Variants in SEZ6L observed in about 807,000 individuals in gnomAD.
The protein encoded by SEZ6L is seizure 6-like protein.
In SEZ6L, 37 loss-of-function variants were observed where a neutral mutation model predicts 106.2. That is an observed-to-expected ratio of 0.35 (90% confidence interval 0.27 to 0.46). The LOEUF (loss-of-function observed/expected upper bound fraction) is 0.46. SEZ6L is among the 20% of genes least tolerant of loss of function. The pLI, the probability that SEZ6L is intolerant of heterozygous loss-of-function variation, is 1.00. For missense variants in SEZ6L, 1,172 were observed against 1,332.8 expected (o/e 0.88, Z 1.88); for synonymous variants, 541 against 570.4 (o/e 0.95, Z 0.73).
intron 12 of SEZ6L, among the ~76,000 whole-genome samples, chr22:26,355,838 T>C (rs975768832): frequency 1.3e-5 from 2 of 152,246 alleles, no homozygotes; most frequent in Non-Finnish European, 1.5e-5. Context: ...CCCCTGGGAC[T>C]GAAAGCCATA....
intron 1 of SEZ6L, among the ~76,000 whole-genome samples, chr22:26,225,987 C>G (rs912437707): frequency 6.6e-6 from 1 of 152,180 alleles, no homozygotes; most frequent in East Asian, 1.9e-4. Context: ...TCTCTCACTT[C>G]CCTTATCCAT....
intron 1 of SEZ6L, among the ~76,000 whole-genome samples, chr22:26,268,000 C>T (rs1242974454): frequency 6.6e-6 from 1 of 152,216 alleles, no homozygotes; most frequent in African/African-American, 2.4e-5. Flanking sequence ...TGAATTCATA[C>T]ACATGGCACT....
At chr22:26,256,215 G>T (rs943587932) in intron 1 of SEZ6L, among the ~76,000 whole-genome samples, 3 of 152,210 alleles carry the variant, frequency 2.0e-5, no homozygotes, top group African/African-American at 4.8e-5. Context: ...ATAAGCTAGA[G>T]GGGTATTCGG....
At chr22:26,376,810 T>C (rs562371138) in intron 15 of SEZ6L, among the ~76,000 whole-genome samples, 1 of 152,188 alleles carries the variant, frequency 6.6e-6, no homozygotes, top group Non-Finnish European at 1.5e-5. Context: ...GGAAACAGCA[T>C]GTGCAAAGGT....
At chr22:26,294,904 G>T (rs796243496) in intron 3 of SEZ6L, among the ~76,000 whole-genome samples, 16 of 142,642 alleles carry the variant, frequency 1.1e-4, no homozygotes, top group African/African-American at 4.0e-4. Flanking sequence ...TTGCTTGCTT[G>T]CTTCCTGCTT....
intron 10 of SEZ6L, among the ~76,000 whole-genome samples, chr22:26,341,412 C>A (rs1426956587): frequency 6.6e-6 from 1 of 152,170 alleles, no homozygotes; most frequent in Non-Finnish European, 1.5e-5. Context: ...CTACGACCCA[C>A]CCCTTTTCAA....
At chr22:26,221,122 A>C (rs747104313) in intron 1 of SEZ6L, among the ~76,000 whole-genome samples, 2 of 152,146 alleles carry the variant, frequency 1.3e-5, no homozygotes, top group Middle Eastern at 3.2e-3. Flanking sequence ...AATGTCGAAC[A>C]AATAAAGTAT....
At chr22:26,321,455 C>T (rs1034056054) in intron 9 of SEZ6L, among the ~76,000 whole-genome samples, 1 of 152,234 alleles carries the variant, frequency 6.6e-6, no homozygotes, top group African/African-American at 2.4e-5. Flanking sequence ...GGTTTAAGCA[C>T]TTAAAGAGAT....
chr22:26,364,887 G>T (rs2083754974), intron 12 of SEZ6L: 1 of 154,162 alleles, frequency 6.5e-6, no homozygotes, highest in Non-Finnish European at 1.4e-5. Flanking sequence ...GGATGCGCAG[G>T]TTAGGTGTCA....
At chr22:26,208,848 C>CTGTGTG (rs1342745824) in intron 1 of SEZ6L, among the ~76,000 whole-genome samples, 15 of 106,802 alleles carry the variant, frequency 1.4e-4, no homozygotes, top group Non-Finnish European at 1.7e-4. Context: ...TTGACTCTCT[C>CTGTGTG]TCTGTGTGTG....
chr22:26,345,972 T>C (rs988322087), intron 10 of SEZ6L, among the ~76,000 whole-genome samples: 1 of 152,178 alleles, frequency 6.6e-6, no homozygotes, highest in African/African-American at 2.4e-5. Flanking sequence ...TGATATGCAA[T>C]TGGATTTGAA....
chr22:26,208,850 C>CTGTGTGTGTG (rs35483380), intron 1 of SEZ6L, among the ~76,000 whole-genome samples: 18 of 111,694 alleles, frequency 1.6e-4, no homozygotes, highest in Non-Finnish European at 2.8e-4. Context: ...GACTCTCTCT[C>CTGTGTGTGTG]TGTGTGTGTG....
intron 1 of SEZ6L, among the ~76,000 whole-genome samples, chr22:26,197,317 A>T (rs1352594492): frequency 1.3e-5 from 2 of 152,132 alleles, no homozygotes; most frequent in East Asian, 3.8e-4. Flanking sequence ...TGAAAACAAA[A>T]TTTTTTCACA....
intron 1 of SEZ6L, among the ~76,000 whole-genome samples, chr22:26,198,240 C>G (rs1940704253): frequency 6.6e-6 from 1 of 152,208 alleles, no homozygotes; most frequent in South Asian, 2.1e-4. Flanking sequence ...TAACAATTAT[C>G]ATGATGATGA....
intron 15 of SEZ6L, among the ~76,000 whole-genome samples, chr22:26,375,948 A>G (rs1442291350): frequency 6.6e-6 from 1 of 152,254 alleles, no homozygotes; most frequent in African/African-American, 2.4e-5. Flanking sequence ...GGGCACACAG[A>G]CATAACATAT....
chr22:26,340,628 C>T lies in SEZ6L; in HGVS notation c.2208C>T (p.Tyr736=). The change falls in exon 10 of 17, where the codon TAC becomes TAT. Residue 736 remains tyrosine (Y), a synonymous_variant. Transcript: ENST00000248933. Reference sequence around the variant, plus strand: ...AGGGCCAGGGATTTATCATGAACTACATAGGTAGGTGTCTCATCTGGTCAA... The same window carrying T: ...AGGGCCAGGGATTTATCATGAACTATATAGGTAGGTGTCTCATCTGGTCAA... ...FGKGQGFIMN[Y]IEVSRNDSCS... is the part of the protein sequence containing the mutation. 1 of 1,611,306 alleles carries T rather than the reference C, an allele frequency of 6.2e-7. No homozygotes were observed. The highest frequency in any genetic ancestry group is 8.5e-7 in the Non-Finnish European group (1 of 1,178,632).
At chr22:26,369,166 A>G (rs1013515657) in intron 13 of SEZ6L, among the ~76,000 whole-genome samples, 12 of 151,600 alleles carry the variant, frequency 7.9e-5, no homozygotes, top group African/African-American at 2.2e-4. Context: ...CTTTCCACGG[A>G]GATTCTGATT....
At chr22:26,214,524 A>G (rs1370117923) in intron 1 of SEZ6L, among the ~76,000 whole-genome samples, 4 of 152,272 alleles carry the variant, frequency 2.6e-5, no homozygotes, top group Non-Finnish European at 5.9e-5. Context: ...GTCCTGAAGG[A>G]GCCAGAACTA....
intron 1 of SEZ6L, among the ~76,000 whole-genome samples, chr22:26,265,995 C>T (rs2080163933): frequency 6.6e-6 from 1 of 152,184 alleles, no homozygotes; most frequent in African/African-American, 2.4e-5. Context: ...ACATACAAGG[C>T]TCTCCACCTG....
Sources: gnomAD v4.1 joint callset for allele counts (sites outside exome capture counted in the v4.1 genomes callset) on GRCh38, gnomAD v4.1.1 for gene constraint, MANE v1.5 for transcripts, NCBI Gene and HGNC (gene_info 2026-07-23, HGNC 2026-07-21) for gene names.